NELFB: variants seen among roughly 807,000 people sequenced by gnomAD.
The protein encoded by NELFB is negative elongation factor complex member B.
Under a neutral mutation model 60.2 loss-of-function variants are expected in NELFB, and 34 were observed. The ratio of observed to expected loss-of-function variants is 0.56; its 90% CI spans 0.43 to 0.75. The LOEUF (loss-of-function observed/expected upper bound fraction) is 0.75. Among genes scored for constraint, NELFB ranks in the 30% least tolerant of loss-of-function variants. The probability of loss-of-function intolerance (pLI) is 0.00; values close to 1 mark genes in which losing one functional copy is unlikely to be tolerated. For synonymous variants in NELFB, 459 were observed against 382.1 expected (o/e 1.20, Z -2.35); for missense variants, 770 against 831.6 (o/e 0.93, Z 0.91).
At chr9:137,257,937 A>T (rs967155033) in intron 4 of NELFB, among the ~76,000 whole-genome samples, 3 of 151,260 alleles carry the variant, frequency 2.0e-5, no homozygotes, top group Admixed American at 2.0e-4. Context: ...CTGGGACCAC[A>T]GGCACGTGCC....
chr9:137,270,742 G>A (rs1006056307), intron 10 of NELFB, among the ~76,000 whole-genome samples: 4 of 152,334 alleles, frequency 2.6e-5, no homozygotes, highest in South Asian at 4.1e-4. Context: ...CCAATGTGGC[G>A]AAACCCCATC....
In NELFB at chr9:137,256,396, G is replaced by A. The variant is rs1183438060; in HGVS notation, c.478G>A (p.Val160Met). The change falls in exon 3 of 13, where the codon GTG (valine) becomes ATG (methionine). Residue 160 changes from valine to methionine, a missense_variant. Val to Met is a conservative substitution (Grantham distance 21). Coordinates refer to ENST00000343053, the MANE Select transcript of NELFB (RefSeq NM_015456.5). ...GGTGAAGATGCCGTCCCTGCAGCCC[G>A]TGGTGATGTGCGTCATGAAGCACCT... 1.2e-6 allele frequency: 2 copies of A among 1,613,944 alleles called. No individual in the cohort carries two copies. Among genetic ancestry groups the A allele is most frequent in the Middle Eastern group, 1.7e-4 (1 of 5,954 alleles).
At position 137,266,396 on chromosome 9, in the gene NELFB, C is replaced by T. The variant is rs145518865; in HGVS notation, c.1209C>T (p.Ile403=). 6.0e-4 allele frequency: 963 copies of T among 1,612,938 alleles called. No homozygotes were observed. Among genetic ancestry groups the T allele is most frequent in the Non-Finnish European group, 7.0e-4 (827 of 1,179,966 alleles). The change falls in exon 8 of 13, where the codon ATC becomes ATT. Residue 403 remains isoleucine (I), a synonymous_variant. Transcript: ENST00000343053. ...TGGGCCAGGGAGCCTGGGACATGAT[C>T]GACAGCCAGGTCTTCAAGGAGCCCA...
In NELFB at chr9:137,272,596, C is replaced by T; in HGVS notation, c.1721C>T (p.Ala574Val). 1.9e-6 allele frequency: 3 copies of T among 1,604,568 alleles called. No homozygotes were observed. Among genetic ancestry groups the T allele is most frequent in the Non-Finnish European group, 2.6e-6 (3 of 1,176,106 alleles). ...TCTAAGCTGGAGGCGTTGCAGAAGG[C>T]CCTGGAGCCTACAGGCCAGGTGGGT... The change falls in exon 12 of 13, where the codon GCC (alanine) becomes GTC (valine). Residue 574 changes from alanine (A) to valine (V), a missense_variant. Transcript: ENST00000343053.
intron 1 of NELFB, 35 bp from the exon 2 acceptor site, chr9:137,255,872 T>G (rs761405414): frequency 9.3e-6 from 15 of 1,606,334 alleles, no homozygotes; most frequent in Non-Finnish European, 1.2e-5. Context: ...CCGGGCGCAC[T>G]GGGCTGCGTT....
chr9:137,263,233 C>G lies in NELFB; in HGVS notation c.927+11C>G. On this transcript the variant is annotated intron_variant, in intron 5 of 12. Coordinates refer to ENST00000343053, the MANE Select transcript of NELFB (RefSeq NM_015456.5). Reference sequence around the variant, plus strand: ...GACCCGTGCCACAAGGTAGCACTGCCCTCCCTCCTTCCCCCCTACCCTCCT... The same window carrying G: ...GACCCGTGCCACAAGGTAGCACTGCGCTCCCTCCTTCCCCCCTACCCTCCT... The G allele has an allele frequency of 6.3e-7, 1 of 1,597,788 alleles. No homozygotes were observed. The highest frequency in any genetic ancestry group is 1.3e-5 in the African/African-American group (1 of 74,652).
rs749817003 is a variant in NELFB at position 137,261,339 on chromosome 9, C to CA, written c.742-1681dup. 3.3e-3 allele frequency among the ~76,000 whole-genome samples: 213 copies of CA among 65,432 alleles called. 4 individuals are homozygous for CA. Among genetic ancestry groups the CA allele is most frequent in the East Asian group, 4.8e-3 (11 of 2,300 alleles). 42.9% of individuals were successfully genotyped at this position (65,432 alleles called of 152,430 possible). ...TGGGTAACAGAGCACGACTCGGTTTCAAAAAAAAAAAAAAAAAGTAAAAAA... is the reference window on the plus strand; with the variant it reads ...TGGGTAACAGAGCACGACTCGGTTTCAAAAAAAAAAAAAAAAAAGTAAAAAA... On this transcript the variant is annotated intron_variant, in intron 4 of 12. Coordinates refer to ENST00000343053, the MANE Select transcript of NELFB (RefSeq NM_015456.5).
Position 137,261,358 on chromosome 9 carries a change from TA to T in NELFB, c.742-1664del, listed in dbSNP as rs1164222280. 2.6e-3 allele frequency among the ~76,000 whole-genome samples: 215 copies of T among 81,162 alleles called. 1 individual carries two copies. The highest frequency in any genetic ancestry group is 7.1e-3 in the African/African-American group (147 of 20,734). 53.2% of individuals were successfully genotyped at this position (81,162 alleles called of 152,430 possible). ...CGGTTTCAAAAAAAAAAAAAAAAAGTAAAAAAAAAAAAAAACTGGGTCAGGT... is the reference window on the plus strand; with the variant it reads ...CGGTTTCAAAAAAAAAAAAAAAAAGTAAAAAAAAAAAAAACTGGGTCAGGT... On this transcript the variant is annotated intron_variant, in intron 4 of 12. Coordinates refer to ENST00000343053, the MANE Select transcript of NELFB (RefSeq NM_015456.5).
At chr9:137,265,824 C>T (rs1830511084) in intron 6 of NELFB, 53 bp from the exon 7 acceptor site, 1 of 1,250,270 alleles carries the variant, frequency 8.0e-7, no homozygotes, top group Admixed American at 1.7e-5. Flanking sequence ...GACTGTGCCG[C>T]TGAAGGGAGG....
At chr9:137,268,537 G>T (rs1161382199) in intron 10 of NELFB, among the ~76,000 whole-genome samples, 1 of 152,222 alleles carries the variant, frequency 6.6e-6, no homozygotes, top group Non-Finnish European at 1.5e-5. Context: ...AGTGAGTGGA[G>T]ATTGCACTAT....
chr9:137,256,014 G>A lies in NELFB; in HGVS notation c.354G>A (p.Arg118=), dbSNP rs772903966. The change falls in exon 2 of 13, where the codon CGG becomes CGA. Residue 118 remains arginine, a synonymous_variant. Coordinates refer to ENST00000343053, the MANE Select transcript of NELFB (RefSeq NM_015456.5). Reference sequence around the variant, plus strand: ...ACCAGTCGGTATTCGATGAGCTGCGGGACAAGCTGCTGGAGCGAGTGTCAG... The same window carrying A: ...ACCAGTCGGTATTCGATGAGCTGCGAGACAAGCTGCTGGAGCGAGTGTCAG... 6 of 1,613,904 alleles carry A rather than the reference G, an allele frequency of 3.7e-6. No homozygotes were observed. The South Asian group carries it at 4.4e-5, about 12-fold the overall frequency.
chr9:137,264,007 T>C (rs1287120183), intron 5 of NELFB, among the ~76,000 whole-genome samples: 2 of 152,198 alleles, frequency 1.3e-5, no homozygotes, highest in Admixed American at 1.3e-4. Context: ...CAGGGTGCCA[T>C]GAAGGAGTCC....
intron 10 of NELFB, among the ~76,000 whole-genome samples, chr9:137,268,805 CAG>C (rs1430831828): frequency 1.3e-5 from 2 of 151,736 alleles, no homozygotes; most frequent in South Asian, 2.1e-4. Flanking sequence ...GACACAGAGA[CAG>C]AGATGAGACA....
chr9:137,263,354 C>CCTCCCTCCTTCTCCCTT, intron 5 of NELFB, 132 bp downstream of exon 5: 1 of 726,366 alleles, frequency 1.4e-6, no homozygotes. Context: ...GCCCTCCCTC[C>CCTCCCTCCTTCTCCCTT]CTCCCTCCTT....
intron 10 of NELFB, 51 bp from the exon 11 acceptor site, chr9:137,272,030 C>G: frequency 6.2e-7 from 1 of 1,610,782 alleles, no homozygotes; most frequent in Non-Finnish European, 8.5e-7. Flanking sequence ...AGGGTGCCCT[C>G]TGGGGTGGGC....
chr9:137,255,814 G>A, intron 1 of NELFB, 93 bp from the exon 2 acceptor site: 1 of 1,556,736 alleles, frequency 6.4e-7, no homozygotes, highest in Non-Finnish European at 8.7e-7. Flanking sequence ...AGCACGGCTG[G>A]GAACACCTGG....
rs750306129 is a variant in NELFB, at chr9:137,263,034, C to A, written c.742-3C>A. 6.2e-7 allele frequency: 1 copy of A among 1,609,254 alleles called. No homozygotes were observed. Among genetic ancestry groups the A allele is most frequent in the Non-Finnish European group, 8.5e-7 (1 of 1,176,040 alleles). ...GGGGGCCTGACAGTGCCTCTTGCTG[C>A]AGGTGGTGCAGCGGCTGACGCGGAT... On this transcript the variant is annotated splice_polypyrimidine_tract_variant and splice_region_variant and intron_variant, in intron 4 of 12. Coordinates refer to ENST00000343053, the MANE Select transcript of NELFB (RefSeq NM_015456.5).
chr9:137,262,998 C>G, intron 4 of NELFB, 39 bp from the exon 5 acceptor site: 1 of 1,597,760 alleles, frequency 6.3e-7, no homozygotes, highest in Non-Finnish European at 8.6e-7. Context: ...TGGCGGAGCC[C>G]AGGACGGTCT....
Position 137,271,045 on chromosome 9 carries a change from G to A in NELFB, c.1490-1036G>A, listed in dbSNP as rs1830578039. Among the ~76,000 whole-genome samples, 6 of 152,282 alleles carry A rather than the reference G, an allele frequency of 3.9e-5. No individual in the cohort carries two copies. The South Asian group carries it at 1.2e-3, about 32-fold the overall frequency. On this transcript the variant is annotated intron_variant, in intron 10 of 12. Coordinates refer to ENST00000343053, the MANE Select transcript of NELFB (RefSeq NM_015456.5). ...CTTCTCCAGGTGTCTCCTGCCTGCTGTGTGGACGGTCCCGTCAGGGTTGGG... is the reference window on the plus strand; with the variant it reads ...CTTCTCCAGGTGTCTCCTGCCTGCTATGTGGACGGTCCCGTCAGGGTTGGG...
Sources: gnomAD v4.1 joint callset for allele counts (sites outside exome capture counted in the v4.1 genomes callset) on GRCh38, gnomAD v4.1.1 for gene constraint, MANE v1.5 for transcripts, NCBI Gene and HGNC (gene_info 2026-07-23, HGNC 2026-07-21) for gene names.